HTR4: variants seen among roughly 807,000 people sequenced by gnomAD.
HTR4 encodes 5-hydroxytryptamine receptor 4, also known as 5-hydroxytryptamine (serotonin) receptor 4, G protein-coupled.
A neutral mutation model predicts 36.8 loss-of-function variants in HTR4; 16 were observed. That is an observed-to-expected ratio of 0.43 (90% CI 0.29 to 0.66). The LOEUF (loss-of-function observed/expected upper bound fraction) is 0.66, where lower values mean the gene tolerates loss of function less well. Ranked by LOEUF, HTR4 falls within the 30% of genes least tolerant of loss-of-function variation. The pLI, the probability that HTR4 is intolerant of heterozygous loss-of-function variation, is 0.13. For missense variants in HTR4, 438 were observed against 490.9 expected (o/e 0.89, Z 1.02); for synonymous variants, 189 against 185.1 (o/e 1.02, Z -0.17).
At chr5:148,649,780 C>T (rs1377045840) in intron 1 of HTR4, among the ~76,000 whole-genome samples, 2 of 152,144 alleles carry the variant, frequency 1.3e-5, no homozygotes, top group Non-Finnish European at 2.9e-5. Flanking sequence ...AGTCTTGTTC[C>T]ACTCATTGAT....
intron 6 of HTR4, among the ~76,000 whole-genome samples, chr5:148,494,048 G>A (rs564449042): frequency 6.6e-6 from 1 of 152,176 alleles, no homozygotes; most frequent in African/African-American, 2.4e-5. Flanking sequence ...CCAATTCACA[G>A]TGTGAAAACC....
chr5:148,654,022 C>G, intron 1 of HTR4, 40 bp downstream of exon 1: 2 of 982,380 alleles, frequency 2.0e-6, no homozygotes, highest in Non-Finnish European at 2.4e-6. Flanking sequence ...CACCCGTGGG[C>G]TCCTGGGGTC....
intron 2 of HTR4, among the ~76,000 whole-genome samples, chr5:148,596,706 G>A (rs1352635140): frequency 6.6e-6 from 1 of 152,126 alleles, no homozygotes; most frequent in Non-Finnish European, 1.5e-5. Flanking sequence ...AGGTGCCCCA[G>A]TTGAGAAGTA....
intron 2 of HTR4, among the ~76,000 whole-genome samples, chr5:148,569,077 GT>G (rs571746258): frequency 0.035 from 5,103 of 145,828 alleles, 294 homozygotes; most frequent in African/African-American, 0.12. Context: ...AGACAGAAGA[GT>G]TTTTTTTTTT....
At chr5:148,546,842 C>A (rs1043750947) in intron 4 of HTR4, among the ~76,000 whole-genome samples, 1 of 152,164 alleles carries the variant, frequency 6.6e-6, no homozygotes, top group African/African-American at 2.4e-5. Flanking sequence ...ATTGTATTTC[C>A]TATAATACAA....
chr5:148,595,729 A>G (rs1019425009), intron 2 of HTR4, among the ~76,000 whole-genome samples: 64 of 152,302 alleles, frequency 4.2e-4, no homozygotes, highest in African/African-American at 1.5e-3. Context: ...GAATAATTCA[A>G]TTTATCCTTT....
Position 148,482,566 on chromosome 5 carries a change from G to T in HTR4, c.*637C>A. The T allele has an allele frequency of 3.0e-6, 3 of 986,498 alleles. No homozygotes were observed. The highest frequency in any genetic ancestry group is 3.6e-6 in the Non-Finnish European group (3 of 830,686). 61.1% of individuals were successfully genotyped at this position (986,498 alleles called of 1,614,324 possible). On this transcript the variant is annotated 3_prime_UTR_variant, in exon 7 of 7. Coordinates refer to ENST00000377888, the MANE Select transcript of HTR4 (RefSeq NM_000870.7). Reference sequence around the variant, plus strand: ...GTCCTGAAGAGGAGGACAGACATTGGACATAAGGAAGAGCAAGTGGACGTC... The same window carrying T: ...GTCCTGAAGAGGAGGACAGACATTGTACATAAGGAAGAGCAAGTGGACGTC...
Position 148,654,440 on chromosome 5 carries a change from G to C in HTR4, c.-426C>G. On this transcript the variant is annotated 5_prime_UTR_variant, in exon 1 of 7. Coordinates refer to ENST00000377888, the MANE Select transcript of HTR4 (RefSeq NM_000870.7). ...GCCGCTCTGCCGGCAGGGCGCACAG[G>C]GGAGTGGGCACAGAGGCGGGCTGGA... 1.0e-6 allele frequency: 1 copy of C among 985,498 alleles called. No homozygotes were observed. Among genetic ancestry groups the C allele is most frequent in the Non-Finnish European group, 1.2e-6 (1 of 830,004 alleles). The allele number at this position is 985,498 out of a possible 1,614,324, so 61.0% of individuals were successfully genotyped here. A position where few individuals can be genotyped will look rare whatever the true frequency, so the allele number is the denominator to read the frequency against.
intron 2 of HTR4, among the ~76,000 whole-genome samples, chr5:148,574,016 T>C (rs1760785040): frequency 6.6e-6 from 1 of 151,914 alleles, no homozygotes; most frequent in Non-Finnish European, 1.5e-5. Flanking sequence ...AGCAATGGGG[T>C]GAATTTTGCT....
intron 2 of HTR4, among the ~76,000 whole-genome samples, chr5:148,580,148 GC>G (rs1761078020): frequency 6.6e-6 from 1 of 151,980 alleles, no homozygotes; most frequent in East Asian, 1.9e-4. Flanking sequence ...GGTGCTCACT[GC>G]AGAGAAAAAG....
intron 2 of HTR4, among the ~76,000 whole-genome samples, chr5:148,579,543 C>T (rs890286042): frequency 1.3e-5 from 2 of 151,992 alleles, no homozygotes; most frequent in African/African-American, 4.8e-5. Flanking sequence ...TAATATAACA[C>T]CCATTCATTA....
chr5:148,654,164 G>A lies in HTR4; in HGVS notation c.-150C>T. The A allele has an allele frequency of 5.1e-6, 5 of 985,646 alleles. No homozygotes were observed. The highest frequency in any genetic ancestry group is 6.0e-6 in the Non-Finnish European group (5 of 830,052). 61.1% of individuals were successfully genotyped at this position (985,646 alleles called of 1,614,324 possible). On this transcript the variant is annotated 5_prime_UTR_variant, in exon 1 of 7. Transcript: ENST00000377888. Reference sequence around the variant, plus strand: ...TGCCGCCGCTGCCGCTGCGCTCCCAGCCGCTGCCTGCGCCCTCCCTGCCGC... The same window carrying A: ...TGCCGCCGCTGCCGCTGCGCTCCCAACCGCTGCCTGCGCCCTCCCTGCCGC...
At chr5:148,512,679 C>G (rs1757550308) in intron 5 of HTR4, among the ~76,000 whole-genome samples, 1 of 152,076 alleles carries the variant, frequency 6.6e-6, no homozygotes, top group Non-Finnish European at 1.5e-5. Context: ...ATCTGTAATC[C>G]CAGCACCTTG....
intron 2 of HTR4, among the ~76,000 whole-genome samples, chr5:148,620,223 CA>C (rs1248119063): frequency 2.0e-5 from 3 of 152,190 alleles, no homozygotes; most frequent in African/African-American, 7.2e-5. Flanking sequence ...TCTGTGCTGA[CA>C]AAATGGTTTT....
intron 5 of HTR4, among the ~76,000 whole-genome samples, chr5:148,510,854 C>T (rs1410646072): frequency 6.6e-6 from 1 of 152,070 alleles, no homozygotes; most frequent in Non-Finnish European, 1.5e-5. Flanking sequence ...TTTAGTGTAA[C>T]AGCCAAGAGG....
At chr5:148,598,683 TA>T (rs1398717632) in intron 2 of HTR4, among the ~76,000 whole-genome samples, 2 of 152,204 alleles carry the variant, frequency 1.3e-5, no homozygotes, top group Non-Finnish European at 2.9e-5. Context: ...CAGTAGGTAC[TA>T]AATAAATATT....
rs769148495 is a variant in HTR4 at position 148,509,579 on chromosome 5, G to C, written c.953C>G (p.Ser318Cys). The change falls in exon 6 of 7, where the codon TCT (serine) becomes TGT (cysteine). Residue 318 changes from serine (S) to cysteine (C), a missense_variant. By Grantham distance (112) the Ser-to-Cys change is moderately radical (BLOSUM62 -1). Transcript: ENST00000377888. ...NPFLYAFLNK[S>C]FRRAFLIILC... Reference sequence around the variant, plus strand: ...GATGATGAGGAAGGCACGTCTAAAAGACTTATTCAAGAAGGCGTAGAGAAA... The same window carrying C: ...GATGATGAGGAAGGCACGTCTAAAACACTTATTCAAGAAGGCGTAGAGAAA... The C allele has an allele frequency of 1.2e-6, 2 of 1,613,924 alleles. No homozygotes were observed. Among genetic ancestry groups the C allele is most frequent in the African/African-American group, 2.7e-5 (2 of 74,918 alleles).
chr5:148,525,162 C>A (rs1007075239), intron 4 of HTR4, among the ~76,000 whole-genome samples: 1 of 152,086 alleles, frequency 6.6e-6, no homozygotes, highest in African/African-American at 2.4e-5. Context: ...ATAACTCAGT[C>A]ATTGAAAGAA....
intron 2 of HTR4, 96 bp downstream of exon 2, chr5:148,636,893 C>T: frequency 2.7e-6 from 2 of 731,720 alleles, no homozygotes; most frequent in Admixed American, 2.4e-5. Flanking sequence ...AATCCACATC[C>T]ATTAACTTTA....
Sources: allele counts gnomAD v4.1 joint callset (sites outside exome capture counted in the v4.1 genomes callset), GRCh38; gene constraint gnomAD v4.1.1; transcripts MANE v1.5; gene names NCBI Gene and HGNC (gene_info 2026-07-23, HGNC 2026-07-21).